BBS9: variants seen among roughly 807,000 people sequenced by gnomAD.
BBS9 encodes the protein Bardet-Biedl syndrome 9.
A neutral mutation model predicts 117.7 loss-of-function variants in BBS9; 89 were observed. That is an observed-to-expected ratio of 0.76 (90% CI 0.64 to 0.90). The LOEUF is 0.90. Ranked by LOEUF, BBS9 falls within the 40% of genes least tolerant of loss-of-function variation. The probability of loss-of-function intolerance (pLI) is 0.00; values close to 1 mark genes in which losing one functional copy is unlikely to be tolerated. For missense variants in BBS9, 982 were observed against 1,042.2 expected (o/e 0.94, Z 0.80); for synonymous variants, 379 against 370.9 (o/e 1.02, Z -0.25).
chr7:33,355,121 T>G (rs576857062), intron 15 of BBS9, among the ~76,000 whole-genome samples: 1 of 152,174 alleles, frequency 6.6e-6, no homozygotes, highest in African/African-American at 2.4e-5. Flanking sequence ...TTCAACTAAG[T>G]TGAAAGCTGT....
chr7:33,521,429 C>A (rs187798292), intron 20 of BBS9, among the ~76,000 whole-genome samples: 1 of 152,112 alleles, frequency 6.6e-6, no homozygotes, highest in Non-Finnish European at 1.5e-5. Flanking sequence ...ACTGCTCTAC[C>A]GTTGGTTGAA....
intron 19 of BBS9, among the ~76,000 whole-genome samples, chr7:33,408,100 C>A (rs1489467198): frequency 6.6e-6 from 1 of 152,246 alleles, no homozygotes; most frequent in Non-Finnish European, 1.5e-5. Flanking sequence ...CCAGTTCGAG[C>A]TTCCTGGCTG....
intron 5 of BBS9, among the ~76,000 whole-genome samples, chr7:33,239,512 C>G (rs912737987): frequency 6.6e-6 from 1 of 151,932 alleles, no homozygotes; most frequent in East Asian, 1.9e-4. Flanking sequence ...CTGGTTCAAG[C>G]GATTCTCCTG....
chr7:33,303,986 A>G (rs1807183104), intron 9 of BBS9, among the ~76,000 whole-genome samples: 1 of 150,906 alleles, frequency 6.6e-6, no homozygotes, highest in Non-Finnish European at 1.5e-5. Flanking sequence ...GGATGTGAGG[A>G]GCCCCTCTGC....
chr7:33,336,486 G>T lies in BBS9; in HGVS notation c.1062G>T (p.Leu354Phe). The T allele has an allele frequency of 6.2e-7, 1 of 1,613,810 alleles. No homozygotes were observed. Among genetic ancestry groups the T allele is most frequent in the Non-Finnish European group, 8.5e-7 (1 of 1,179,818 alleles). The change falls in exon 10 of 23, where the codon TTG becomes TTT. Residue 354 changes from leucine (L) to phenylalanine (F), a missense_variant. Transcript: ENST00000242067. ...VIVTLSDDGH[L>F]QCSYLGTDPS... is the part of the protein sequence containing the mutation. ...TCACTCTGAGTGATGATGGTCACTTGCAGTGTTCATACCTGGGGACAGATC... is the reference window on the plus strand; with the variant it reads ...TCACTCTGAGTGATGATGGTCACTTTCAGTGTTCATACCTGGGGACAGATC...
chr7:33,488,670 A>G (rs1843443614), intron 19 of BBS9, among the ~76,000 whole-genome samples: 1 of 152,204 alleles, frequency 6.6e-6, no homozygotes. Flanking sequence ...TGAACTATAA[A>G]TAAGAACATT....
chr7:33,469,228 C>T (rs1840635192), intron 19 of BBS9, among the ~76,000 whole-genome samples: 1 of 152,128 alleles, frequency 6.6e-6, no homozygotes, highest in Non-Finnish European at 1.5e-5. Context: ...AGTAGTATAT[C>T]TGTACCAAGT....
At chr7:33,372,594 G>T (rs1563079638) in intron 17 of BBS9, among the ~76,000 whole-genome samples, 1 of 152,002 alleles carries the variant, frequency 6.6e-6, no homozygotes, top group Non-Finnish European at 1.5e-5. Flanking sequence ...TGTTCATCAG[G>T]GATACTGGCC....
chr7:33,480,813 G>A (rs1300574992), intron 19 of BBS9, among the ~76,000 whole-genome samples: 1 of 152,084 alleles, frequency 6.6e-6, no homozygotes, highest in Non-Finnish European at 1.5e-5. Context: ...TTGAGGGAGG[G>A]ACCTGGTGGG....
chr7:33,448,032 C>G (rs1584867067), intron 19 of BBS9, among the ~76,000 whole-genome samples: 1 of 152,132 alleles, frequency 6.6e-6, no homozygotes, highest in African/African-American at 2.4e-5. Context: ...TTTCTAGGCT[C>G]TTTTTCAGCT....
chr7:33,617,020 T>C (rs771965748), intron 21 of BBS9, among the ~76,000 whole-genome samples: 5 of 152,042 alleles, frequency 3.3e-5, no homozygotes, highest in Non-Finnish European at 7.4e-5. Flanking sequence ...TCATTCAGTG[T>C]TGCAAAAAAG....
chr7:33,144,688 A>C (rs1357235398), intron 1 of BBS9, among the ~76,000 whole-genome samples: 2 of 152,178 alleles, frequency 1.3e-5, no homozygotes, highest in East Asian at 1.9e-4. Flanking sequence ...AATGTTCCTA[A>C]AAGCAAGAAG....
intron 9 of BBS9, among the ~76,000 whole-genome samples, chr7:33,309,220 G>T (rs932529864): frequency 1.3e-5 from 2 of 152,164 alleles, no homozygotes; most frequent in East Asian, 3.8e-4. Context: ...AAGATTCTTA[G>T]GTGATTCTAA....
chr7:33,543,112 G>T (rs1455160197), intron 21 of BBS9, among the ~76,000 whole-genome samples: 1 of 151,984 alleles, frequency 6.6e-6, no homozygotes, highest in Admixed American at 6.6e-5. Context: ...CTGCATCCAC[G>T]CCAACATCTA....
At chr7:33,323,884 C>T (rs1812259143) in intron 9 of BBS9, among the ~76,000 whole-genome samples, 1 of 134,122 alleles carries the variant, frequency 7.5e-6, no homozygotes, top group Admixed American at 8.3e-5. Context: ...GTCACCCAGG[C>T]TGGAGTGCAG....
intron 2 of BBS9, among the ~76,000 whole-genome samples, chr7:33,149,157 A>G (rs1792902678): frequency 6.6e-6 from 1 of 152,208 alleles, no homozygotes; most frequent in Non-Finnish European, 1.5e-5. Context: ...TTCAATGTGT[A>G]GAATAGAGGC....
At chr7:33,263,422 A>T (rs1798291918) in intron 6 of BBS9, among the ~76,000 whole-genome samples, 1 of 152,150 alleles carries the variant, frequency 6.6e-6, no homozygotes, top group East Asian at 1.9e-4. Context: ...TAGTTGCTTT[A>T]TGTACAGTAG....
At chr7:33,488,234 A>G (rs1381087941) in intron 19 of BBS9, among the ~76,000 whole-genome samples, 2 of 152,080 alleles carry the variant, frequency 1.3e-5, no homozygotes, top group Admixed American at 6.5e-5. Context: ...CCCCTTTGCA[A>G]GCTCATGCCT....
chr7:33,623,985 T>TA lies in BBS9; in HGVS notation c.2522-11179dup, dbSNP rs57482020. 6.2e-3 allele frequency among the ~76,000 whole-genome samples: 518 copies of TA among 83,000 alleles called. 2 individuals are homozygous for TA. Among genetic ancestry groups the TA allele is most frequent in the Middle Eastern group, 0.034 (6 of 174 alleles). 54.5% of individuals were successfully genotyped at this position (83,000 alleles called of 152,430 possible). ...GCAAATCTTTCATTCATTCTATTAT[T>TA]AAAAAAAAAAAAATCATATAAGTCT... On this transcript the variant is annotated intron_variant, in intron 21 of 21. Transcript: ENST00000671952.
Sources: gnomAD v4.1 joint callset for allele counts (sites outside exome capture counted in the v4.1 genomes callset) on GRCh38, gnomAD v4.1.1 for gene constraint, MANE v1.5 for transcripts, NCBI Gene and HGNC (gene_info 2026-07-23, HGNC 2026-07-21) for gene names.